ATP2B4: variants seen among roughly 807,000 people sequenced by gnomAD.
ATP2B4 encodes the protein ATPase plasma membrane Ca2+ transporting 4.
A neutral mutation model predicts 110.3 loss-of-function variants in ATP2B4; 39 were observed. That is an observed-to-expected ratio of 0.35 (90% CI 0.27 to 0.46). The LOEUF (loss-of-function observed/expected upper bound fraction) is 0.46. Among genes scored for constraint, ATP2B4 ranks in the 20% least tolerant of loss-of-function variants. ATP2B4 has a pLI of 1.00. For missense variants in ATP2B4, 1,135 were observed against 1,530.9 expected (o/e 0.74, Z 4.32); for synonymous variants, 538 against 571.7 (o/e 0.94, Z 0.84).
At position 203,739,694 on chromosome 1, in the gene ATP2B4, A is replaced by T; in HGVS notation, c.3458A>T (p.Glu1153Val). 1 of 1,614,164 alleles carries T rather than the reference A, an allele frequency of 6.2e-7. No homozygotes were observed. Among genetic ancestry groups the T allele is most frequent in the Non-Finnish European group, 8.5e-7 (1 of 1,180,018 alleles). ...PRTPLLDEEE[E>V]ENPDKASKFG... ...ACACCACTCCTGGATGAGGAAGAGGAGGAAAATCCTGACAAGGCTTCTAAG... is the reference window on the plus strand; with the variant it reads ...ACACCACTCCTGGATGAGGAAGAGGTGGAAAATCCTGACAAGGCTTCTAAG... The change falls in exon 21 of 21, where the codon GAG becomes GTG. Residue 1153 changes from glutamate to valine, a missense_variant. Glu to Val is a moderately radical substitution (Grantham distance 121). Transcript: ENST00000357681.
Position 203,708,024 on chromosome 1 carries a change from C to T in ATP2B4, c.1477C>T (p.Pro493Ser), listed in dbSNP as rs771510450. 3 of 1,614,050 alleles carry T rather than the reference C, an allele frequency of 1.9e-6. No homozygotes were observed. Among genetic ancestry groups the T allele is most frequent in the Non-Finnish European group, 2.5e-6 (3 of 1,180,050 alleles). Residue 493 changes from proline (P) to serine (S), a missense_variant, in exon 10 of 21, where the codon CCT (proline) becomes TCT (serine). Physicochemically the swap from Pro to Ser is moderately conservative, Grantham distance 74. Coordinates refer to ENST00000357681, the MANE Select transcript of ATP2B4 (RefSeq NM_001684.5). ...CATCCATTACCGTCAAATCCCAAGCCCTGATGTCTTCCTGCCCAAAGTCCT... is the reference window on the plus strand; with the variant it reads ...CATCCATTACCGTCAAATCCCAAGCTCTGATGTCTTCCTGCCCAAAGTCCT... ...GGIHYRQIPSPDVFLPKVLDL... is the reference protein window; with the variant it reads ...GGIHYRQIPSSDVFLPKVLDL...
At chr1:203,684,092 C>A (rs1252024498) in intron 2 of ATP2B4, among the ~76,000 whole-genome samples, 1 of 151,616 alleles carries the variant, frequency 6.6e-6, no homozygotes, top group Admixed American at 6.6e-5. Flanking sequence ...TTCTATATGT[C>A]TGATTATAAA....
At chr1:203,672,367 T>C (rs553334288) in intron 1 of ATP2B4, among the ~76,000 whole-genome samples, 1 of 128,666 alleles carries the variant, frequency 7.8e-6, no homozygotes, top group South Asian at 2.6e-4. Flanking sequence ...AAAGCTGATT[T>C]AGGGGGTTGG....
chr1:203,630,675 C>T (rs1231685495), intron 1 of ATP2B4, among the ~76,000 whole-genome samples: 1 of 152,216 alleles, frequency 6.6e-6, no homozygotes, highest in Non-Finnish European at 1.5e-5. Context: ...CCCCGAAGGG[C>T]GCCCCTCAGA....
rs878860223 is a variant in ATP2B4, at chr1:203,743,694, T to C, written c.*3840T>C. The C allele has an allele frequency of 6.6e-6, 1 of 152,632 alleles. No individual in the cohort carries two copies. The highest frequency in any genetic ancestry group is 2.1e-4 in the South Asian group (1 of 4,832). 9.5% of individuals were successfully genotyped at this position (152,632 alleles called of 1,614,324 possible). The stretch of plus-strand genomic sequence containing the variant: ...GTAACTAGTATAACAAGCACTGGTA[T>C]TTTTGTACAAAAAAGAAAAACAAAA... On this transcript the variant is annotated 3_prime_UTR_variant, in exon 21 of 21. Transcript: ENST00000357681.
intron 1 of ATP2B4, among the ~76,000 whole-genome samples, chr1:203,659,191 G>C (rs1442155482): frequency 6.6e-6 from 1 of 151,752 alleles, no homozygotes; most frequent in Non-Finnish European, 1.5e-5. Flanking sequence ...AAATGAAAAG[G>C]AAACACAAAT....
intron 1 of ATP2B4, among the ~76,000 whole-genome samples, chr1:203,682,314 A>C (rs1665040125): frequency 6.6e-6 from 1 of 152,176 alleles, no homozygotes; most frequent in African/African-American, 2.4e-5. Context: ...CAGATCACTT[A>C]GATCTGAACT....
Position 203,709,464 on chromosome 1 carries a change from C to T in ATP2B4, c.1721C>T (p.Ser574Leu). The T allele has an allele frequency of 6.2e-7, 1 of 1,614,196 alleles. No homozygotes were observed. Among genetic ancestry groups the T allele is most frequent in the Non-Finnish European group, 8.5e-7 (1 of 1,180,042 alleles). ...TACACCTTTAACTCAGTGCGCAAGT[C>T]AATGAGCACCGTCATCAGGAATCCC... ...KVYTFNSVRK[S>L]MSTVIRNPNG... Residue 574 changes from serine to leucine, a missense_variant, in exon 11 of 21, where the codon TCA becomes TTA. Coordinates refer to ENST00000357681, the MANE Select transcript of ATP2B4 (RefSeq NM_001684.5).
chr1:203,695,116 C>A (rs1665494440), intron 2 of ATP2B4, among the ~76,000 whole-genome samples: 1 of 152,114 alleles, frequency 6.6e-6, no homozygotes, highest in Non-Finnish European at 1.5e-5. Flanking sequence ...CCCTCATAAT[C>A]ATCTACTAAA....
intron 7 of ATP2B4, among the ~76,000 whole-genome samples, chr1:203,703,077 AAG>A (rs1023016182): frequency 6.6e-6 from 1 of 152,120 alleles, no homozygotes; most frequent in African/African-American, 2.4e-5. Flanking sequence ...GCAGGGAAGA[AAG>A]GGAATTTTCT....
intron 20 of ATP2B4, among the ~76,000 whole-genome samples, chr1:203,738,899 C>T (rs1197339040): frequency 1.3e-5 from 2 of 152,146 alleles, no homozygotes; most frequent in Non-Finnish European, 2.9e-5. Flanking sequence ...ATGCATGTTT[C>T]CTGGCTGAAA....
intron 15 of ATP2B4, among the ~76,000 whole-genome samples, chr1:203,717,617 T>C (rs977500104): frequency 6.7e-6 from 1 of 149,184 alleles, no homozygotes; most frequent in African/African-American, 2.5e-5. Flanking sequence ...TAATGTGAAA[T>C]GGTATTTATT....
At chr1:203,729,587 T>A in intron 20 of ATP2B4, 1 of 507,972 alleles carries the variant, frequency 2.0e-6, no homozygotes, top group Non-Finnish European at 3.8e-6. Flanking sequence ...GATTGCAGAC[T>A]CACTATGCAC....
chr1:203,662,080 G>A (rs1664354591), intron 1 of ATP2B4, among the ~76,000 whole-genome samples: 1 of 151,546 alleles, frequency 6.6e-6, no homozygotes, highest in South Asian at 2.1e-4. Context: ...CCAGGCTGGG[G>A]TGCAGTGGCA....
At position 203,739,914 on chromosome 1, in the gene ATP2B4, T is replaced by C. The variant is rs1328762929; in HGVS notation, c.*60T>C. On this transcript the variant is annotated 3_prime_UTR_variant, in exon 21 of 21. Coordinates refer to ENST00000357681, the MANE Select transcript of ATP2B4 (RefSeq NM_001684.5). ...TATTTCCATTTTCGTCTATCCCATC[T>C]ATGAGGTGATGATGGGACTTTTCAT... 1 of 1,518,382 alleles carries C rather than the reference T, an allele frequency of 6.6e-7. No homozygotes were observed. Among genetic ancestry groups the C allele is most frequent in the East Asian group, 2.3e-5 (1 of 44,082 alleles). 94.1% of individuals were successfully genotyped at this position (1,518,382 alleles called of 1,614,324 possible).
intron 1 of ATP2B4, among the ~76,000 whole-genome samples, chr1:203,646,983 A>T (rs1446240992): frequency 6.6e-6 from 1 of 152,146 alleles, no homozygotes; most frequent in Non-Finnish European, 1.5e-5. Context: ...ACGTTGCATA[A>T]TAAGATTTTG....
At chr1:203,721,117 G>A (rs945109149) in intron 16 of ATP2B4, 80 bp from the exon 17 acceptor site, 47 of 1,457,412 alleles carry the variant, frequency 3.2e-5, no homozygotes, top group Admixed American at 5.5e-5. Context: ...TAGGTGGGTC[G>A]TGGGAGCTGG....
chr1:203,740,491 TG>T lies in ATP2B4; in HGVS notation c.*638del, dbSNP rs1439005504. On this transcript the variant is annotated 3_prime_UTR_variant, in exon 21 of 21. Transcript: ENST00000357681. ...ATTAAGAAAATGGAAAGGATATGGA[TG>T]AATTGTGTAAACTTAGATCCTTCTC... The T allele has an allele frequency of 6.6e-6, 1 of 150,504 alleles. No homozygotes were observed. Among genetic ancestry groups the T allele is most frequent in the Non-Finnish European group, 1.5e-5 (1 of 67,916 alleles). 9.3% of individuals were successfully genotyped at this position (150,504 alleles called of 1,614,324 possible). A position where few individuals can be genotyped will look rare whatever the true frequency, so the allele number is the denominator to read the frequency against.
intron 1 of ATP2B4, among the ~76,000 whole-genome samples, chr1:203,670,822 G>A (rs1352122803): frequency 1.3e-5 from 2 of 152,218 alleles, no homozygotes; most frequent in East Asian, 3.8e-4. Context: ...CCAGAAGGGT[G>A]CTTCCCTGAT....
Sources: allele counts gnomAD v4.1 joint callset (sites outside exome capture counted in the v4.1 genomes callset), GRCh38; gene constraint gnomAD v4.1.1; transcripts MANE v1.5; gene names NCBI Gene and HGNC (gene_info 2026-07-23, HGNC 2026-07-21).